The following CLDN10 variants were observed in gnomAD, a reference collection of about 807,000 sequenced individuals.
The protein encoded by CLDN10 is claudin-10.
Under a neutral mutation model 22.9 loss-of-function variants are expected in CLDN10, and 15 were observed. The ratio of observed to expected loss-of-function variants is 0.65; its 90% confidence interval spans 0.44 to 1.01. CLDN10 has a LOEUF of 1.01. Among genes scored for constraint, CLDN10 ranks in the 50% least tolerant of loss-of-function variants. CLDN10 has a pLI of 0.00. For missense variants in CLDN10, 247 were observed against 287.8 expected (o/e 0.86, Z 1.03); for synonymous variants, 114 against 111.4 (o/e 1.02, Z -0.15).
intron 1 of CLDN10, among the ~76,000 whole-genome samples, chr13:95,448,577 C>A (rs1170224501): frequency 6.6e-6 from 1 of 152,146 alleles, no homozygotes; most frequent in Non-Finnish European, 1.5e-5. Context: ...CTTACCCACA[C>A]CATGCTCAGA....
chr13:95,577,828 A>G (rs1342312198), intron 4 of CLDN10, 72 bp from the exon 5 acceptor site: 2 of 920,732 alleles, frequency 2.2e-6, no homozygotes, highest in Admixed American at 2.2e-5. Flanking sequence ...AGACAGGCCG[A>G]AACAGTTTCT....
intron 1 of CLDN10, among the ~76,000 whole-genome samples, chr13:95,473,159 A>AAAG (rs1555290044): frequency 1.0e-5 from 1 of 95,958 alleles, no homozygotes. Flanking sequence ...AAAAAAAAAA[A>AAAG]GGAGAGAGAG....
At chr13:95,551,913 G>A (rs1249534017), upstream of CLDN10, among the ~76,000 whole-genome samples, 1 of 152,178 alleles carries the variant, frequency 6.6e-6, no homozygotes, top group Non-Finnish European at 1.5e-5. Context: ...CAAGATAGCA[G>A]TTTTGACTGG....
chr13:95,489,107 C>G lies in CLDN10; in HGVS notation c.214+55060C>G, dbSNP rs372157350. On this transcript the variant is annotated intron_variant, in intron 1 of 4. Coordinates refer to the CLDN10 transcript ENST00000376873. ...GCTGGGATTCAGGCACTCACCACCACGCCAGGCTAGTTTTACTTTTTAGTA... is the reference window on the plus strand; with the variant it reads ...GCTGGGATTCAGGCACTCACCACCAGGCCAGGCTAGTTTTACTTTTTAGTA... Among the ~76,000 whole-genome samples the G allele has an allele frequency of 9.6e-4, 146 of 151,708 alleles. 1 individual carries two copies. The highest frequency in any genetic ancestry group is 1.7e-3 in the Non-Finnish European group (115 of 67,892).
intron 1 of CLDN10, among the ~76,000 whole-genome samples, chr13:95,526,305 T>G (rs1424678470): frequency 6.6e-6 from 1 of 152,210 alleles, no homozygotes; most frequent in Admixed American, 6.5e-5. Flanking sequence ...TGTTGGAAAT[T>G]TCTTCAACTG....
chr13:95,565,239 TC>T (rs1189803626), intron 3 of CLDN10, among the ~76,000 whole-genome samples: 7 of 152,336 alleles, frequency 4.6e-5, no homozygotes, highest in Admixed American at 6.5e-5. Context: ...TGTTTTGTTA[TC>T]CAAACCACTA....
chr13:95,469,780 C>T (rs1374485846), intron 1 of CLDN10, among the ~76,000 whole-genome samples: 2 of 152,170 alleles, frequency 1.3e-5, no homozygotes, highest in Non-Finnish European at 2.9e-5. Context: ...GCTTATGAGA[C>T]ATTTGGTGGG....
At chr13:95,515,180 T>TTTGTTGTTGTTG (rs146017884) in intron 1 of CLDN10, among the ~76,000 whole-genome samples, 7 of 150,616 alleles carry the variant, frequency 4.6e-5, no homozygotes, top group African/African-American at 1.7e-4. Flanking sequence ...GCTAATTACG[T>TTTGTTGTTGTTG]TTGTTGTTGT....
chr13:95,489,388 G>GT (rs552563178), intron 1 of CLDN10, among the ~76,000 whole-genome samples: 33 of 149,876 alleles, frequency 2.2e-4, no homozygotes, highest in Middle Eastern at 3.4e-3. Flanking sequence ...ACGTCTACTG[G>GT]TTTTTTTTTT....
intron 1 of CLDN10, among the ~76,000 whole-genome samples, chr13:95,517,453 AG>A (rs1376522243): frequency 2.3e-4 from 35 of 152,350 alleles, no homozygotes; most frequent in African/African-American, 8.2e-4. Context: ...GCTAAACAAA[AG>A]CTTAGTTCCA....
chr13:95,442,586 GA>G (rs1468755849), intron 1 of CLDN10, among the ~76,000 whole-genome samples: 3 of 152,216 alleles, frequency 2.0e-5, no homozygotes, highest in Non-Finnish European at 4.4e-5. Context: ...GGAATGGGGA[GA>G]AAAGGCCCCC....
At chr13:95,440,809 T>C (rs1047213098) in intron 1 of CLDN10, among the ~76,000 whole-genome samples, 4 of 152,222 alleles carry the variant, frequency 2.6e-5, no homozygotes, top group Non-Finnish European at 5.9e-5. Context: ...TCTGTATCAA[T>C]ATGGTTGGAA....
intron 1 of CLDN10, among the ~76,000 whole-genome samples, chr13:95,514,297 A>G (rs1294769267): frequency 6.6e-6 from 1 of 152,058 alleles, no homozygotes; most frequent in East Asian, 1.9e-4. Flanking sequence ...CTTCCAGCCT[A>G]TTGACTTCAG....
In CLDN10 at chr13:95,516,301, A is replaced by G. The variant is rs562189643; in HGVS notation, c.215-43831A>G. On this transcript the variant is annotated intron_variant, in intron 1 of 4. Coordinates refer to the CLDN10 transcript ENST00000376873. ...CATCCTACACCTTCAGGCAGATTAA[A>G]TAGTATTATAAAATATAAGAAACAG... Among the ~76,000 whole-genome samples, 15 of 152,302 alleles carry G rather than the reference A, an allele frequency of 9.8e-5. No individual in the cohort carries two copies. The South Asian group carries it at 2.5e-3, about 25-fold the overall frequency.
intron 1 of CLDN10, among the ~76,000 whole-genome samples, chr13:95,534,255 T>TC (rs2043376925): frequency 6.6e-6 from 1 of 152,174 alleles, no homozygotes; most frequent in Admixed American, 6.5e-5. Flanking sequence ...GTCTTTTTTT[T>TC]CCTTCAAATA....
upstream of CLDN10, among the ~76,000 whole-genome samples, chr13:95,550,697 C>T (rs1370024072): frequency 6.6e-6 from 1 of 151,218 alleles, no homozygotes; most frequent in East Asian, 1.9e-4. Context: ...GGCAAAAAAA[C>T]AGATGATAAA....
At chr13:95,563,653 A>G (rs900070681) in intron 3 of CLDN10, among the ~76,000 whole-genome samples, 1 of 152,232 alleles carries the variant, frequency 6.6e-6, no homozygotes, top group Non-Finnish European at 1.5e-5. Flanking sequence ...AACAAAATCC[A>G]GTTGGATCAA....
chr13:95,466,195 C>T (rs114730778), intron 1 of CLDN10, among the ~76,000 whole-genome samples: 2 of 151,868 alleles, frequency 1.3e-5, no homozygotes, highest in African/African-American at 2.4e-5. Flanking sequence ...TGTCTGGATT[C>T]GGTTTGCTAT....
Position 95,563,660 on chromosome 13 carries a change from T to C in CLDN10, c.464+3197T>C, listed in dbSNP as rs192366370. Among the ~76,000 whole-genome samples, 3 of 152,260 alleles carry C rather than the reference T, an allele frequency of 2.0e-5. No individual in the cohort carries two copies. The East Asian group carries it at 5.8e-4, about 29-fold the overall frequency. On this transcript the variant is annotated intron_variant, in intron 3 of 4. Coordinates refer to ENST00000299339, the MANE Select transcript of CLDN10 (RefSeq NM_006984.5). ...ATGATTTCAACAAAATCCAGTTGGA[T>C]CAAGGAATTATCAAGGCCTGAGAAT... is the stretch of plus-strand genomic sequence containing the variant.
Sources: allele counts gnomAD v4.1 joint callset (sites outside exome capture counted in the v4.1 genomes callset), GRCh38; gene constraint gnomAD v4.1.1; transcripts MANE v1.5; gene names NCBI Gene and HGNC (gene_info 2026-07-23, HGNC 2026-07-21).